Variants in DTWD2 observed in about 807,000 individuals in gnomAD.
DTWD2 encodes the protein DTW motif tRNA-uridine aminocarboxypropyltransferase 2, also known as tRNA-uridine aminocarboxypropyltransferase 2.
DTWD2 carries 39 observed loss-of-function variants against 31.8 expected under a neutral mutation model. That is an observed-to-expected ratio of 1.22 (90% CI 0.95 to 1.60). The LOEUF (loss-of-function observed/expected upper bound fraction) is 1.60. DTWD2 is among the 40% of genes most tolerant of loss of function. DTWD2 has a pLI of 0.00. For missense variants in DTWD2, 515 were observed against 381.5 expected (o/e 1.35, Z -2.92); for synonymous variants, 180 against 142.8 (o/e 1.26, Z -1.86).
chr5:118,856,381 T>C (rs191348221), intron 4 of DTWD2, among the ~76,000 whole-genome samples: 1 of 152,208 alleles, frequency 6.6e-6, no homozygotes, highest in African/African-American at 2.4e-5. Flanking sequence ...TCTGTGAATT[T>C]GCCACAATTT....
At chr5:118,899,081 G>C (rs1024917716) in intron 4 of DTWD2, among the ~76,000 whole-genome samples, 1 of 152,168 alleles carries the variant, frequency 6.6e-6, no homozygotes, top group Non-Finnish European at 1.5e-5. Flanking sequence ...CTCTCATACT[G>C]TAAATATGTG....
In DTWD2 at chr5:118,838,658, T is replaced by C. The variant is rs1250724481; in HGVS notation, c.*2259A>G. ...CAGGAAAAAATAAGTAAAAAACAAGTACAGTGAGTTAACAGGTCAGTAAAG... is the reference window on the plus strand; with the variant it reads ...CAGGAAAAAATAAGTAAAAAACAAGCACAGTGAGTTAACAGGTCAGTAAAG... On this transcript the variant is annotated 3_prime_UTR_variant, in exon 6 of 6. Coordinates refer to ENST00000510708, the MANE Select transcript of DTWD2 (RefSeq NM_173666.4). 1 of 152,008 alleles carries C rather than the reference T, an allele frequency of 6.6e-6. No homozygotes were observed. Among genetic ancestry groups the C allele is most frequent in the Non-Finnish European group, 1.5e-5 (1 of 67,990 alleles). 9.4% of individuals were successfully genotyped at this position (152,008 alleles called of 1,614,324 possible).
intron 1 of DTWD2, among the ~76,000 whole-genome samples, chr5:118,963,379 A>G (rs1754749079): frequency 6.6e-6 from 1 of 152,212 alleles, no homozygotes; most frequent in Non-Finnish European, 1.5e-5. Context: ...AAAGGCATGG[A>G]GCCAAACATT....
chr5:118,979,075 C>T (rs942586979), intron 1 of DTWD2, among the ~76,000 whole-genome samples: 15 of 151,588 alleles, frequency 9.9e-5, no homozygotes, highest in East Asian at 3.9e-4. Flanking sequence ...GAGGCCAAGG[C>T]GGGTGGATCA....
At chr5:118,947,128 T>C (rs1267417151) in intron 1 of DTWD2, among the ~76,000 whole-genome samples, 1 of 152,052 alleles carries the variant, frequency 6.6e-6, no homozygotes, top group African/African-American at 2.4e-5. Context: ...GGTGAGCAAG[T>C]GCAGGAGCCA....
chr5:118,857,997 C>A (rs1291598812), intron 4 of DTWD2, among the ~76,000 whole-genome samples: 1 of 152,244 alleles, frequency 6.6e-6, no homozygotes, highest in South Asian at 2.1e-4. Flanking sequence ...AGTGGCCTAA[C>A]CAGCCTGTGC....
intron 4 of DTWD2, among the ~76,000 whole-genome samples, chr5:118,927,425 T>C (rs975397211): frequency 6.6e-6 from 1 of 152,062 alleles, no homozygotes; most frequent in African/African-American, 2.4e-5. Context: ...TAATAGCCAA[T>C]ATAAACAACC....
At chr5:118,880,368 T>C (rs2149554023) in intron 4 of DTWD2, among the ~76,000 whole-genome samples, 1 of 152,328 alleles carries the variant, frequency 6.6e-6, no homozygotes, top group East Asian at 1.9e-4. Context: ...ACAGTTGGGA[T>C]TCCCTTTGGA....
chr5:118,928,815 T>C (rs976100500), intron 3 of DTWD2, 86 bp from the exon 4 acceptor site: 85 of 1,133,716 alleles, frequency 7.5e-5, no homozygotes, highest in Non-Finnish European at 1.0e-4. Context: ...TAATAAAAGT[T>C]TCCCTATATG....
chr5:118,870,848 C>T (rs769641343), intron 4 of DTWD2, among the ~76,000 whole-genome samples: 1 of 151,708 alleles, frequency 6.6e-6, no homozygotes, highest in South Asian at 2.1e-4. Flanking sequence ...TTCTTTTTTT[C>T]CACAGTAAAC....
At chr5:118,902,468 T>C (rs1305942375) in intron 4 of DTWD2, among the ~76,000 whole-genome samples, 1 of 152,144 alleles carries the variant, frequency 6.6e-6, no homozygotes, top group African/African-American at 2.4e-5. Context: ...ATCAAATAAT[T>C]ATATCTTCAG....
At chr5:118,974,225 G>C (rs1755073299) in intron 1 of DTWD2, 1 of 1,106,708 alleles carries the variant, frequency 9.0e-7, no homozygotes, top group Admixed American at 2.1e-5. Flanking sequence ...CCTTCGAGTA[G>C]AGAGGCCCGC....
intron 1 of DTWD2, among the ~76,000 whole-genome samples, chr5:118,968,802 T>G (rs1044881197): frequency 6.6e-6 from 1 of 152,174 alleles, no homozygotes; most frequent in South Asian, 2.1e-4. Context: ...GGAAGGGGGC[T>G]GAATCCAGGG....
intron 4 of DTWD2, among the ~76,000 whole-genome samples, chr5:118,904,759 T>C (rs1753290044): frequency 6.6e-6 from 1 of 152,108 alleles, no homozygotes; most frequent in African/African-American, 2.4e-5. Context: ...AACAGGGTTA[T>C]TAAACGTTCA....
chr5:118,861,399 T>C (rs1752257330), intron 4 of DTWD2, among the ~76,000 whole-genome samples: 2 of 152,166 alleles, frequency 1.3e-5, no homozygotes, highest in South Asian at 4.1e-4. Context: ...TACAGAAATT[T>C]AAAAATTTTC....
In DTWD2 at chr5:118,903,095, C is replaced by T. The variant is rs1038049423; in HGVS notation, c.597+25442G>A. Among the ~76,000 whole-genome samples, 78 of 150,872 alleles carry T rather than the reference C, an allele frequency of 5.2e-4. 3 individuals are homozygous for T. The highest frequency in any genetic ancestry group is 1.0e-4 in the Non-Finnish European group (7 of 67,766). ...AGTGAAAATAATATATCCTAAAATT[C>T]CACATTTTTCACCAAAAATTTGTTT... On this transcript the variant is annotated intron_variant, in intron 4 of 5. Transcript: ENST00000510708.
intron 4 of DTWD2, among the ~76,000 whole-genome samples, chr5:118,852,029 C>T (rs993944993): frequency 6.6e-6 from 1 of 152,008 alleles, no homozygotes; most frequent in East Asian, 1.9e-4. Flanking sequence ...ATAGACCTCC[C>T]TCCAGAAATG....
chr5:118,864,830 G>C (rs1051295586), intron 4 of DTWD2, among the ~76,000 whole-genome samples: 2 of 152,074 alleles, frequency 1.3e-5, no homozygotes, highest in Non-Finnish European at 2.9e-5. Context: ...AAACTGCACA[G>C]TGCTATGTTA....
chr5:118,846,409 G>A (rs1751854285), intron 5 of DTWD2, among the ~76,000 whole-genome samples: 1 of 151,940 alleles, frequency 6.6e-6, no homozygotes, highest in South Asian at 2.1e-4. Flanking sequence ...TCCAGTTGTG[G>A]GAATAAGAGA....
Sources: allele counts gnomAD v4.1 joint callset (sites outside exome capture counted in the v4.1 genomes callset), GRCh38; gene constraint gnomAD v4.1.1; transcripts MANE v1.5; gene names NCBI Gene and HGNC (gene_info 2026-07-23, HGNC 2026-07-21).